The following ZNF99 variants were observed in gnomAD, a reference collection of about 807,000 sequenced individuals.
ZNF99 encodes zinc finger protein 99.
ZNF99 carries 8 observed loss-of-function variants against 12.8 expected under a neutral mutation model. That is an observed-to-expected ratio of 0.62 (90% CI 0.37 to 1.13). The LOEUF (loss-of-function observed/expected upper bound fraction) is 1.13. Among genes scored for constraint, ZNF99 ranks in the 50% most tolerant of loss-of-function variants. The pLI is 0.02. For synonymous variants in ZNF99, 318 were observed against 319.0 expected (o/e 1.00, Z 0.03); for missense variants, 1,007 against 1,006.2 (o/e 1.00, Z -0.01).
In ZNF99 at chr19:22,757,204, T is replaced by C. The variant is rs1201231834; in HGVS notation, c.*110A>G. 3.3e-5 allele frequency: 54 copies of C among 1,612,848 alleles called. No individual in the cohort carries two copies. Among genetic ancestry groups the C allele is most frequent in the Non-Finnish European group, 4.4e-5 (52 of 1,179,304 alleles). On this transcript the variant is annotated 3_prime_UTR_variant, in exon 4 of 4. Transcript: ENST00000596209. ...TAAAAGCTTTGCCACATTCTTCACA[T>C]TTGTATGGTTTCTTCCCAGTATAAA...
In ZNF99 at chr19:22,769,913, G is replaced by A. The variant is rs1219344942; in HGVS notation, c.4-589C>T. 5.1e-6 allele frequency: 7 copies of A among 1,361,418 alleles called. No individual in the cohort carries two copies. In the African/African-American group the frequency reaches 5.9e-5, roughly 12 times the overall value. 84.3% of individuals were successfully genotyped at this position (1,361,418 alleles called of 1,614,324 possible). A position where few individuals can be genotyped will look rare whatever the true frequency, so the allele number is the denominator to read the frequency against. On this transcript the variant is annotated intron_variant, in intron 1 of 3. Coordinates refer to ENST00000596209, the MANE Select transcript of ZNF99 (RefSeq NM_001080409.3). ...TATAAAATTAAGGGCATGATAACAT[G>A]TACATTTTTGAGTGCTATTTTTAAA...
chr19:22,752,666 A>T lies in ZNF99; in HGVS notation c.*4648T>A, dbSNP rs1431508718. The stretch of plus-strand genomic sequence containing the variant: ...CCTTGAGTAAGGTGGGATAGGTTAA[A>T]GCGAGTGGCATAATAACACTTCATT... On this transcript the variant is annotated 3_prime_UTR_variant, in exon 4 of 4. Transcript: ENST00000596209. 3 of 152,140 alleles carry T rather than the reference A, an allele frequency of 2.0e-5. No individual in the cohort carries two copies. The highest frequency in any genetic ancestry group is 2.9e-5 in the Non-Finnish European group (2 of 68,000). 9.4% of individuals were successfully genotyped at this position (152,140 alleles called of 1,614,324 possible).
Position 22,758,339 on chromosome 19 carries a change from G to A in ZNF99, c.1570C>T (p.Leu524Phe). ...GTATGAATTATCTTATGTTTTCTAA[G>A]GGCTGAGAAATGCTTAAAAGCTTTG... is the stretch of plus-strand genomic sequence containing the variant. The part of the protein sequence containing the change: ...CGKAFKHFSA[L>F]RKHKIIHTGK... Residue 524 changes from leucine (L) to phenylalanine (F), a missense_variant, in exon 4 of 4, where the codon CTT (leucine) becomes TTT (phenylalanine). Physicochemically the swap from Leu to Phe is conservative, Grantham distance 22. Coordinates refer to ENST00000596209, the MANE Select transcript of ZNF99 (RefSeq NM_001080409.3). 1 of 1,613,258 alleles carries A rather than the reference G, an allele frequency of 6.2e-7. No homozygotes were observed. The highest frequency in any genetic ancestry group is 8.5e-7 in the Non-Finnish European group (1 of 1,179,698).
intron 3 of ZNF99, among the ~76,000 whole-genome samples, chr19:22,763,089 C>G (rs1973167026): frequency 6.6e-6 from 1 of 151,976 alleles, no homozygotes; most frequent in Non-Finnish European, 1.5e-5. Context: ...CAAGGATGCC[C>G]ACTTTCACCC....
At chr19:22,762,233 A>T (rs1018099786) in intron 3 of ZNF99, among the ~76,000 whole-genome samples, 3 of 152,180 alleles carry the variant, frequency 2.0e-5, no homozygotes, top group African/African-American at 4.8e-5. Flanking sequence ...AATACAATTG[A>T]TAGACCATTA....
rs369332170 is a variant in ZNF99, at chr19:22,758,886, G to A, written c.1023C>T (p.Tyr341=). 45 of 1,613,674 alleles carry A rather than the reference G, an allele frequency of 2.8e-5. No homozygotes were observed. In the East Asian group the frequency reaches 7.8e-4, roughly 28 times the overall value. The change falls in exon 4 of 4, where the codon TAC becomes TAT. Residue 341 remains tyrosine, a synonymous_variant. Coordinates refer to ENST00000596209, the MANE Select transcript of ZNF99 (RefSeq NM_001080409.3). ...HQIIHTGKKP[Y]KCEECGKAFS... ...AAGCTTTGCCACATTCTTCACATTT[G>A]TAGGGTTTCTTTCCAGTATGAATTA...
intron 1 of ZNF99, among the ~76,000 whole-genome samples, chr19:22,782,335 C>T (rs1395173873): frequency 1.3e-5 from 2 of 151,440 alleles, no homozygotes; most frequent in Non-Finnish European, 2.9e-5. Flanking sequence ...ACTGAGGTGG[C>T]TCTAGTGCCT....
intron 1 of ZNF99, chr19:22,770,296 CATAAAGATACTTA>C (rs1973252373): frequency 6.2e-6 from 1 of 161,150 alleles, no homozygotes; most frequent in Non-Finnish European, 1.3e-5. Context: ...ACATCAGCTA[CATAAAGATACTTA>C]ATAACGAGGA....
chr19:22,776,583 T>C (rs1973331393), intron 1 of ZNF99, among the ~76,000 whole-genome samples: 1 of 151,436 alleles, frequency 6.6e-6, no homozygotes, highest in African/African-American at 2.4e-5. Context: ...AAATAACAGA[T>C]GCTGGCAGTT....
chr19:22,761,252 C>T (rs1432326258), intron 3 of ZNF99, among the ~76,000 whole-genome samples: 6 of 152,020 alleles, frequency 3.9e-5, no homozygotes, highest in East Asian at 1.9e-4. Context: ...CCCCTAATGG[C>T]GTGAGGTAAT....
chr19:22,784,114 C>T lies in ZNF99; in HGVS notation c.-98G>A. 7.1e-7 allele frequency: 1 copy of T among 1,400,028 alleles called. No homozygotes were observed. Among genetic ancestry groups the T allele is most frequent in the Non-Finnish European group, 9.9e-7 (1 of 1,009,666 alleles). The allele number at this position is 1,400,028 out of a possible 1,614,324, so 86.7% of individuals were successfully genotyped here. On this transcript the variant is annotated 5_prime_UTR_variant, in exon 1 of 4. Transcript: ENST00000596209. Reference sequence around the variant, plus strand: ...GGCTAAGGACACAGAGCAGTAAAAACGAGATCCGGAGCTCCAGCTGGAACC... The same window carrying T: ...GGCTAAGGACACAGAGCAGTAAAAATGAGATCCGGAGCTCCAGCTGGAACC...
At chr19:22,770,626 A>G (rs1453172836) in intron 1 of ZNF99, 2 of 152,254 alleles carry the variant, frequency 1.3e-5, no homozygotes, top group Non-Finnish European at 2.9e-5. Flanking sequence ...AAGTGCTGGG[A>G]TTACAGGCAT....
At chr19:22,779,667 A>G (rs1472589137) in intron 1 of ZNF99, among the ~76,000 whole-genome samples, 3 of 152,282 alleles carry the variant, frequency 2.0e-5, no homozygotes, top group East Asian at 1.9e-4. Flanking sequence ...TCAACATACA[A>G]CCTTATTTTT....
intron 3 of ZNF99, among the ~76,000 whole-genome samples, chr19:22,760,003 G>T (rs1973132965): frequency 6.6e-6 from 1 of 152,146 alleles, no homozygotes; most frequent in African/African-American, 2.4e-5. Context: ...GGTGTCGTTA[G>T]AAGTAAATTG....
intron 3 of ZNF99, among the ~76,000 whole-genome samples, chr19:22,765,660 T>A (rs2145148765): frequency 6.6e-6 from 1 of 150,412 alleles, no homozygotes. Context: ...AAGGTAAGGG[T>A]GTTCATCACC....
rs987343020 is a variant in ZNF99, at chr19:22,753,298, T to C, written c.*4016A>G. 2.0e-5 allele frequency: 3 copies of C among 152,142 alleles called. No homozygotes were observed. Among genetic ancestry groups the C allele is most frequent in the African/African-American group, 7.2e-5 (3 of 41,450 alleles). 9.4% of individuals were successfully genotyped at this position (152,142 alleles called of 1,614,324 possible). On this transcript the variant is annotated 3_prime_UTR_variant, in exon 4 of 4. Coordinates refer to ENST00000596209, the MANE Select transcript of ZNF99 (RefSeq NM_001080409.3). ...ATCTAAATTTTAGATTGAAATTATT[T>C]TTTTTACTCAACACTCTGATTTAGT... is the stretch of plus-strand genomic sequence containing the variant.
chr19:22,753,715 T>A lies in ZNF99; in HGVS notation c.*3599A>T, dbSNP rs8103204. ...CAGTAATTGCATTTTTAATATTTGT[T>A]TTAAGTATAAACTCTGTGATGTTAA... On this transcript the variant is annotated 3_prime_UTR_variant, in exon 4 of 4. Coordinates refer to ENST00000596209, the MANE Select transcript of ZNF99 (RefSeq NM_001080409.3). 29,923 of 157,114 alleles carry A rather than the reference T, an allele frequency of 0.19. 3,835 individuals carry two copies. The highest frequency in any genetic ancestry group is 0.37 in the African/African-American group (15,531 of 41,510). 9.7% of individuals were successfully genotyped at this position (157,114 alleles called of 1,614,324 possible).
rs8102610 is a variant in ZNF99 at position 22,753,906 on chromosome 19, C to T, written c.*3408G>A. On this transcript the variant is annotated 3_prime_UTR_variant, in exon 4 of 4. Transcript: ENST00000596209. ...ATTAGCTTATACTCAAGTGTGACAACCATTTAAAGGCTTTGTGACATGACT... is the reference window on the plus strand; with the variant it reads ...ATTAGCTTATACTCAAGTGTGACAATCATTTAAAGGCTTTGTGACATGACT... 0.088 allele frequency: 30,129 copies of T among 341,200 alleles called. 1,433 individuals carry two copies. The highest frequency in any genetic ancestry group is 0.13 in the Middle Eastern group (179 of 1,414). The allele number at this position is 341,200 out of a possible 1,614,324, so 21.1% of individuals were successfully genotyped here. A position where few individuals can be genotyped will look rare whatever the true frequency, so the allele number is the denominator to read the frequency against.
At chr19:22,761,064 T>C (rs1432656578) in intron 3 of ZNF99, among the ~76,000 whole-genome samples, 1 of 151,844 alleles carries the variant, frequency 6.6e-6, no homozygotes, top group Non-Finnish European at 1.5e-5. Flanking sequence ...ATAATGTATA[T>C]GGAATACTAG....
Sources: gnomAD v4.1 joint callset for allele counts (sites outside exome capture counted in the v4.1 genomes callset) on GRCh38, gnomAD v4.1.1 for gene constraint, MANE v1.5 for transcripts, NCBI Gene and HGNC (gene_info 2026-07-23, HGNC 2026-07-21) for gene names.